SUGCT: variants seen among roughly 807,000 people sequenced by gnomAD.
The protein encoded by SUGCT is succinyl-CoA:glutarate-CoA transferase, also known as succinyl-CoA:glutarate CoA-transferase.
A neutral mutation model predicts 55.0 loss-of-function variants in SUGCT; 41 were observed. That is an observed-to-expected ratio of 0.74 (90% CI 0.58 to 0.97). The LOEUF is 0.97. SUGCT is among the 50% of genes least tolerant of loss of function. The pLI, the probability that SUGCT is intolerant of heterozygous loss-of-function variation, is 0.00. For missense variants in SUGCT, 568 were observed against 547.8 expected (o/e 1.04, Z -0.37); for synonymous variants, 187 against 200.4 (o/e 0.93, Z 0.56).
At chr7:40,520,529 C>G (rs1464231158) in intron 12 of SUGCT, among the ~76,000 whole-genome samples, 1 of 152,008 alleles carries the variant, frequency 6.6e-6, no homozygotes, top group African/African-American at 2.4e-5. Context: ...ATATTTTAAG[C>G]GAAACTTCTA....
At chr7:40,847,341 C>T (rs534837188) in intron 13 of SUGCT, among the ~76,000 whole-genome samples, 4 of 151,746 alleles carry the variant, frequency 2.6e-5, no homozygotes, top group Admixed American at 1.3e-4. Flanking sequence ...ACAGGGAGAC[C>T]GACAGGGTCT....
At chr7:40,954,330 A>G in the SUGCT span, among the ~76,000 whole-genome samples, 23 of 152,216 alleles carry the variant, frequency 1.5e-4, no homozygotes, top group African/African-American at 5.1e-4. Flanking sequence ...GAGTGACCCA[A>G]TTTTCCAGGT....
intron 12 of SUGCT, among the ~76,000 whole-genome samples, chr7:40,630,157 G>A (rs1017217993): frequency 6.6e-6 from 1 of 152,178 alleles, no homozygotes; most frequent in African/African-American, 2.4e-5. Flanking sequence ...TGTTCTTTAT[G>A]CTACAGGGAA....
At chr7:40,728,869 A>G (rs538522737) in intron 12 of SUGCT, among the ~76,000 whole-genome samples, 1 of 152,202 alleles carries the variant, frequency 6.6e-6, no homozygotes, top group Non-Finnish European at 1.5e-5. Context: ...GGTAATTGCA[A>G]TAACAATAAT....
chr7:40,593,931 T>C (rs1219542469), intron 12 of SUGCT, among the ~76,000 whole-genome samples: 5 of 151,948 alleles, frequency 3.3e-5, no homozygotes, highest in Admixed American at 3.3e-4. Flanking sequence ...AACCCAAATG[T>C]CCAACAATGA....
At chr7:40,930,959 T>C in the SUGCT span, among the ~76,000 whole-genome samples, 1 of 152,200 alleles carries the variant, frequency 6.6e-6, no homozygotes, top group Non-Finnish European at 1.5e-5. Context: ...CAACACTCTG[T>C]TGAATAGGAG....
chr7:40,644,395 T>C (rs1253168168), intron 12 of SUGCT, among the ~76,000 whole-genome samples: 1 of 152,244 alleles, frequency 6.6e-6, no homozygotes, highest in Non-Finnish European at 1.5e-5. Flanking sequence ...TTCTGGATTA[T>C]GGAGCCACTC....
Position 40,781,621 on chromosome 7 carries a change from A to G in SUGCT, c.1153+32124A>G, listed in dbSNP as rs117168022. Among the ~76,000 whole-genome samples the G allele has an allele frequency of 8.4e-3, 1,274 of 152,294 alleles. 9 individuals carry two copies. The highest frequency in any genetic ancestry group is 0.013 in the Non-Finnish European group (870 of 68,038). On this transcript the variant is annotated intron_variant, in intron 13 of 13. Transcript: ENST00000335693. ...GTTCAGACCAAAACAGAAAGAATAA[A>G]TGTTTTCTGAGAATGAATAGAGTTT...
intron 3 of SUGCT, among the ~76,000 whole-genome samples, chr7:40,186,076 TC>T (rs1163553967): frequency 6.6e-6 from 1 of 150,852 alleles, no homozygotes. Context: ...TTTCTTTCTT[TC>T]TTTCTCTCTT....
At chr7:41,008,670 C>T in the SUGCT span, among the ~76,000 whole-genome samples, 2 of 151,964 alleles carry the variant, frequency 1.3e-5, no homozygotes, top group African/African-American at 2.4e-5. Context: ...GGAGGCCTCT[C>T]GGTGGGGAGT....
intron 12 of SUGCT, among the ~76,000 whole-genome samples, chr7:40,651,238 C>A (rs749823060): frequency 1.3e-5 from 2 of 152,184 alleles, no homozygotes; most frequent in Non-Finnish European, 2.9e-5. Context: ...TATCTCTCTG[C>A]ACTTCACCAG....
the SUGCT span, among the ~76,000 whole-genome samples, chr7:40,888,379 A>G: frequency 6.6e-6 from 1 of 151,918 alleles, no homozygotes; most frequent in East Asian, 1.9e-4. Context: ...TGAACCCGGG[A>G]AGCGAAAGTT....
intron 8 of SUGCT, among the ~76,000 whole-genome samples, chr7:40,299,379 C>G (rs1343663119): frequency 6.6e-6 from 1 of 152,126 alleles, no homozygotes; most frequent in East Asian, 1.9e-4. Flanking sequence ...TAACAACTGG[C>G]TCATTAAAAC....
chr7:40,658,489 C>T (rs189625248), intron 12 of SUGCT, among the ~76,000 whole-genome samples: 42 of 152,280 alleles, frequency 2.8e-4, no homozygotes, highest in Admixed American at 1.0e-3. Flanking sequence ...TTTCCCTTCT[C>T]CTCATCCTCA....
At chr7:40,302,835 C>T (rs532148747) in intron 8 of SUGCT, among the ~76,000 whole-genome samples, 1 of 152,234 alleles carries the variant, frequency 6.6e-6, no homozygotes, top group Non-Finnish European at 1.5e-5. Context: ...ATCCTGCCTA[C>T]CCCAAGCCTC....
At chr7:40,593,774 G>A (rs1239580157) in intron 12 of SUGCT, among the ~76,000 whole-genome samples, 1 of 152,122 alleles carries the variant, frequency 6.6e-6, no homozygotes, top group African/African-American at 2.4e-5. Flanking sequence ...GGGACGTGGA[G>A]GTTGCAGTGA....
chr7:40,941,700 A>G, the SUGCT span, among the ~76,000 whole-genome samples: 2 of 152,082 alleles, frequency 1.3e-5, no homozygotes, highest in Non-Finnish European at 2.9e-5. Flanking sequence ...GCTGCTGCCT[A>G]TCACTTTGCT....
intron 12 of SUGCT, among the ~76,000 whole-genome samples, chr7:40,687,293 A>G (rs943937588): frequency 2.8e-4 from 43 of 152,198 alleles, no homozygotes; most frequent in African/African-American, 9.9e-4. Flanking sequence ...CATTGGCAGA[A>G]GGGGACAGGG....
chr7:40,944,642 C>G, the SUGCT span, among the ~76,000 whole-genome samples: 1 of 152,124 alleles, frequency 6.6e-6, no homozygotes, highest in African/African-American at 2.4e-5. Flanking sequence ...TGTTTTGGTA[C>G]CAGTACCATG....
Sources: allele counts gnomAD v4.1 joint callset (sites outside exome capture counted in the v4.1 genomes callset), GRCh38; gene constraint gnomAD v4.1.1; transcripts MANE v1.5; gene names NCBI Gene and HGNC (gene_info 2026-07-23, HGNC 2026-07-21).